VPS13B: variants seen among roughly 807,000 people sequenced by gnomAD.
VPS13B encodes vacuolar protein sorting 13 homolog B.
VPS13B carries 285 observed loss-of-function variants against 426.4 expected under a neutral mutation model. That is an observed-to-expected ratio of 0.67 (90% confidence interval 0.61 to 0.74). The LOEUF is 0.74. VPS13B is among the 30% of genes least tolerant of loss of function. The pLI is 0.00. For missense variants in VPS13B, 4,537 were observed against 4,782.6 expected (o/e 0.95, Z 1.51); for synonymous variants, 1,676 against 1,676.4 (o/e 1.00, Z 0.01).
At chr8:99,680,133 A>C (rs1481529660) in intron 35 of VPS13B, among the ~76,000 whole-genome samples, 1 of 152,240 alleles carries the variant, frequency 6.6e-6, no homozygotes, top group African/African-American at 2.4e-5. Flanking sequence ...GTTTTCTTTC[A>C]TAAATGTTAT....
At chr8:99,695,147 T>C (rs1831902001) in intron 35 of VPS13B, among the ~76,000 whole-genome samples, 1 of 151,396 alleles carries the variant, frequency 6.6e-6, no homozygotes, top group Non-Finnish European at 1.5e-5. Context: ...TGGCGATTCC[T>C]CAGGGATCTA....
chr8:99,144,484 GT>G (rs1810595090), intron 13 of VPS13B, among the ~76,000 whole-genome samples: 1 of 107,458 alleles, frequency 9.3e-6, no homozygotes, highest in Non-Finnish European at 2.0e-5. Flanking sequence ...ACAAGACCCT[GT>G]TTCAAAAAAA....
Position 99,818,546 on chromosome 8 carries a change from C to A in VPS13B, c.8445+12C>A. The A allele has an allele frequency of 6.2e-7, 1 of 1,613,504 alleles. No homozygotes were observed. The highest frequency in any genetic ancestry group is 8.5e-7 in the Non-Finnish European group (1 of 1,179,528). On this transcript the variant is annotated intron_variant, in intron 46 of 61. Coordinates refer to ENST00000357162, the MANE Select transcript of VPS13B (RefSeq NM_152564.5). ...TGCAACAACGAATGGTGAGTGCTTT[C>A]CCAATCCTAAAATATGGTATATGAC...
At chr8:99,441,778 G>A (rs1225070848) in intron 22 of VPS13B, among the ~76,000 whole-genome samples, 1 of 151,966 alleles carries the variant, frequency 6.6e-6, no homozygotes, top group Non-Finnish European at 1.5e-5. Flanking sequence ...AATGAAAAAA[G>A]CAAGAAATAA....
chr8:99,294,706 T>C (rs1413827433), intron 19 of VPS13B, among the ~76,000 whole-genome samples: 1 of 152,172 alleles, frequency 6.6e-6, no homozygotes, highest in Admixed American at 6.6e-5. Context: ...GTAAATCACT[T>C]GAGCTCAATT....
At chr8:99,847,022 A>G (rs757558287) in intron 54 of VPS13B, among the ~76,000 whole-genome samples, 8 of 151,908 alleles carry the variant, frequency 5.3e-5, no homozygotes. Flanking sequence ...TACCTTATGT[A>G]TCATACAAAG....
At chr8:99,635,196 T>C (rs778860190) in intron 33 of VPS13B, among the ~76,000 whole-genome samples, 1 of 152,054 alleles carries the variant, frequency 6.6e-6, no homozygotes, top group Non-Finnish European at 1.5e-5. Context: ...CTTTTTTTAC[T>C]GTATTTGTTA....
intron 43 of VPS13B, among the ~76,000 whole-genome samples, chr8:99,802,830 T>G (rs1813195399): frequency 6.6e-6 from 1 of 152,200 alleles, no homozygotes; most frequent in Non-Finnish European, 1.5e-5. Flanking sequence ...ATAGAGGCTC[T>G]AAGTAATTTC....
chr8:99,807,450 T>C (rs1813461017), intron 43 of VPS13B, among the ~76,000 whole-genome samples: 1 of 151,926 alleles, frequency 6.6e-6, no homozygotes, highest in Non-Finnish European at 1.5e-5. Flanking sequence ...TTCTAGCTAC[T>C]AGTCTGTCCA....
chr8:99,348,992 C>T lies in VPS13B; in HGVS notation c.2825-35216C>T, dbSNP rs183684146. Reference sequence around the variant, plus strand: ...TTGAAATGGATTACTTCCTGACTCACTAAAAGAATAGAAATATATTTTTAA... The same window carrying T: ...TTGAAATGGATTACTTCCTGACTCATTAAAAGAATAGAAATATATTTTTAA... On this transcript the variant is annotated intron_variant, in intron 19 of 61. Coordinates refer to ENST00000357162, the MANE Select transcript of VPS13B (RefSeq NM_152564.5). 2.6e-5 allele frequency among the ~76,000 whole-genome samples: 4 copies of T among 152,032 alleles called. No individual in the cohort carries two copies. In the East Asian group the frequency reaches 7.7e-4, roughly 29 times the overall value.
At chr8:99,305,461 G>C (rs1012386182) in intron 19 of VPS13B, among the ~76,000 whole-genome samples, 5 of 152,030 alleles carry the variant, frequency 3.3e-5, no homozygotes, top group Non-Finnish European at 7.4e-5. Flanking sequence ...TTTTATAAGG[G>C]ATTTGAGTAT....
chr8:99,259,160 CTT>C (rs1425473776), intron 17 of VPS13B, among the ~76,000 whole-genome samples: 1 of 152,010 alleles, frequency 6.6e-6, no homozygotes, highest in African/African-American at 2.4e-5. Flanking sequence ...GATGAGAAAA[CTT>C]AGCGTAGTTT....
At chr8:99,182,042 A>T (rs750864861) in intron 16 of VPS13B, among the ~76,000 whole-genome samples, 1 of 152,220 alleles carries the variant, frequency 6.6e-6, no homozygotes, top group Non-Finnish European at 1.5e-5. Flanking sequence ...ACAACTATAC[A>T]TAAGGGAATT....
At chr8:99,498,231 G>A (rs1169655962) in intron 25 of VPS13B, among the ~76,000 whole-genome samples, 2 of 152,068 alleles carry the variant, frequency 1.3e-5, no homozygotes, top group African/African-American at 4.8e-5. Context: ...CTTTGAAATT[G>A]CAGGTTTGAT....
chr8:99,596,049 C>T (rs560585113), intron 33 of VPS13B, among the ~76,000 whole-genome samples: 87 of 152,066 alleles, frequency 5.7e-4, no homozygotes, highest in Non-Finnish European at 7.8e-4. Context: ...AACCCTCTTA[C>T]ACTGGACCAG....
At chr8:99,210,956 A>G (rs760185831) in intron 17 of VPS13B, among the ~76,000 whole-genome samples, 32 of 152,272 alleles carry the variant, frequency 2.1e-4, no homozygotes, top group Middle Eastern at 3.4e-3. Flanking sequence ...TTCTTGGGCT[A>G]GGAAATTAAG....
At chr8:99,148,401 A>G (rs1810866626) in intron 14 of VPS13B, among the ~76,000 whole-genome samples, 1 of 151,836 alleles carries the variant, frequency 6.6e-6, no homozygotes, top group South Asian at 2.1e-4. Context: ...GTATCTGCTT[A>G]TATAGTTATC....
chr8:99,136,197 CT>C (rs973326489), intron 11 of VPS13B, among the ~76,000 whole-genome samples: 1 of 151,788 alleles, frequency 6.6e-6, no homozygotes, highest in Non-Finnish European at 1.5e-5. Context: ...TTACATTTTA[CT>C]CTTTTTTTAT....
intron 25 of VPS13B, among the ~76,000 whole-genome samples, chr8:99,496,160 T>C (rs1248265444): frequency 6.6e-6 from 1 of 152,224 alleles, no homozygotes; most frequent in East Asian, 1.9e-4. Flanking sequence ...CCACACTCAC[T>C]GTTGCATTGG....
Sources: allele counts gnomAD v4.1 joint callset (sites outside exome capture counted in the v4.1 genomes callset), GRCh38; gene constraint gnomAD v4.1.1; transcripts MANE v1.5; gene names NCBI Gene and HGNC (gene_info 2026-07-23, HGNC 2026-07-21).